Variants in RC3H1 observed in about 807,000 individuals in gnomAD.
The protein encoded by RC3H1 is roquin-1.
Under a neutral mutation model 138.2 loss-of-function variants are expected in RC3H1, and 50 were observed. That is an observed-to-expected ratio of 0.36 (90% confidence interval 0.29 to 0.46). RC3H1 has a LOEUF of 0.46. Among genes scored for constraint, RC3H1 ranks in the 20% least tolerant of loss-of-function variants. The probability of loss-of-function intolerance (pLI) is 1.00; values close to 1 mark genes in which losing one functional copy is unlikely to be tolerated. For missense variants in RC3H1, 1,031 were observed against 1,388.1 expected (o/e 0.74, Z 4.09); for synonymous variants, 462 against 489.1 (o/e 0.94, Z 0.73).
At chr1:173,974,060 C>T (rs1441457754) in intron 7 of RC3H1, among the ~76,000 whole-genome samples, 2 of 151,976 alleles carry the variant, frequency 1.3e-5, no homozygotes, top group African/African-American at 4.8e-5. Context: ...AGGCAATCCA[C>T]CCATCTTGGC....
At chr1:173,960,170 G>C (rs1332057933) in intron 13 of RC3H1, among the ~76,000 whole-genome samples, 1 of 149,572 alleles carries the variant, frequency 6.7e-6, no homozygotes, top group Non-Finnish European at 1.5e-5. Context: ...TGCACCTGCA[G>C]TCCCAGCTAC....
Position 174,017,783 on chromosome 1 carries a change from C to CAAAAAAAAAAAAAA in RC3H1, c.-151+4299_-151+4312dup, listed in dbSNP as rs61239660. On this transcript the variant is annotated intron_variant, in intron 1 of 19. Coordinates refer to ENST00000367696, the MANE Select transcript of RC3H1 (RefSeq NM_172071.4). ...ACCCCTTTAGAACTCTTTTCTTGCT[C>CAAAAAAAAAAAAAA]AAAAAAAAAAAAAAAAAAAAAAAAA... Among the ~76,000 whole-genome samples the CAAAAAAAAAAAAAA allele has an allele frequency of 1.3e-3, 92 of 72,022 alleles. 10 individuals are homozygous for CAAAAAAAAAAAAAA. The highest frequency in any genetic ancestry group is 4.2e-3 in the African/African-American group (73 of 17,520). The allele number at this position is 72,022 out of a possible 152,430, so 47.2% of individuals were successfully genotyped here.
At position 173,945,961 on chromosome 1, in the gene RC3H1, C is replaced by T. The variant is rs150708176; in HGVS notation, c.2961+515G>A. Among the ~76,000 whole-genome samples, 6 of 152,146 alleles carry T rather than the reference C, an allele frequency of 3.9e-5. No individual in the cohort carries two copies. The East Asian group carries it at 1.2e-3, about 29-fold the overall frequency. ...TGATCTTGTGATCCACTTGCCTCGG[C>T]CTCCCAAAGTGCTGGGATTACAGGG... On this transcript the variant is annotated intron_variant, in intron 17 of 19. Transcript: ENST00000367696.
chr1:173,971,219 C>T (rs915977961), intron 8 of RC3H1, among the ~76,000 whole-genome samples: 5 of 152,080 alleles, frequency 3.3e-5, no homozygotes, highest in African/African-American at 1.2e-4. Flanking sequence ...GCCTCAGCCT[C>T]CCAAAGTGCT....
chr1:173,985,201 AATC>A (rs1229964047), intron 2 of RC3H1, among the ~76,000 whole-genome samples: 1 of 152,334 alleles, frequency 6.6e-6, no homozygotes, highest in East Asian at 1.9e-4. Context: ...TTATTTACAC[AATC>A]ATCATTGACA....
rs755249482 is a variant in RC3H1 at position 173,961,107 on chromosome 1, T to G, written c.2340A>C (p.Pro780=). The part of the protein sequence containing the change: ...VISPPPFAPS[P]TLPPTFHPEE... ...CCGGATGAAAGGTAGGAGGCAAGGT[T>G]GGTGAAGGTGCAAAAGGAGGTGGAG... Residue 780 remains proline (P), a synonymous_variant, in exon 13 of 20, where the codon CCA becomes CCC. Coordinates refer to ENST00000367696, the MANE Select transcript of RC3H1 (RefSeq NM_172071.4). 5.6e-6 allele frequency: 9 copies of G among 1,613,730 alleles called. No homozygotes were observed. In the Admixed American group the frequency reaches 1.5e-4, roughly 27 times the overall value.
intron 2 of RC3H1, among the ~76,000 whole-genome samples, chr1:173,989,827 C>T (rs1463319736): frequency 2.0e-5 from 3 of 148,446 alleles, no homozygotes; most frequent in Non-Finnish European, 1.5e-5. Context: ...CCCGGGTTCA[C>T]GCCATTCTCC....
Position 173,986,091 on chromosome 1 carries a change from G to A in RC3H1, c.232-1472C>T, listed in dbSNP as rs565292398. Among the ~76,000 whole-genome samples the A allele has an allele frequency of 3.9e-5, 6 of 151,940 alleles. No individual in the cohort carries two copies. The South Asian group carries it at 8.3e-4, about 21-fold the overall frequency. ...GGCTGGAGTGCAGTGGCACCATCTC[G>A]GCTCACTGCAACCTCCGCCTCCTGG... On this transcript the variant is annotated intron_variant, in intron 2 of 19. Coordinates refer to ENST00000367696, the MANE Select transcript of RC3H1 (RefSeq NM_172071.4).
chr1:174,012,855 T>G (rs1661793922), intron 1 of RC3H1, among the ~76,000 whole-genome samples: 1 of 150,096 alleles, frequency 6.7e-6, no homozygotes, highest in African/African-American at 2.5e-5. Context: ...ATACCAACTC[T>G]GCCATTTATT....
intron 1 of RC3H1, among the ~76,000 whole-genome samples, chr1:173,995,001 T>G (rs542687437): frequency 2.0e-5 from 3 of 152,140 alleles, no homozygotes. Flanking sequence ...TAACTAAATA[T>G]ATAATTGCAA....
Position 173,992,705 on chromosome 1 carries a change from G to A in RC3H1, c.231+50C>T, listed in dbSNP as rs368010602. ...ACACACACACACACACACACAGAGAGAGAGAGAGAGAGAGGGAGAAATTTA... is the reference window on the plus strand; with the variant it reads ...ACACACACACACACACACACAGAGAAAGAGAGAGAGAGAGGGAGAAATTTA... On this transcript the variant is annotated intron_variant, in intron 2 of 19. Transcript: ENST00000367696. 6.3e-6 allele frequency: 8 copies of A among 1,268,706 alleles called. No homozygotes were observed. In the African/African-American group the frequency reaches 7.7e-5, roughly 12 times the overall value. 78.6% of individuals were successfully genotyped at this position (1,268,706 alleles called of 1,614,324 possible).
chr1:173,955,761 A>T (rs1195280724), intron 13 of RC3H1, among the ~76,000 whole-genome samples: 2 of 152,240 alleles, frequency 1.3e-5, no homozygotes, highest in Non-Finnish European at 2.9e-5. Flanking sequence ...GCCCACAGGA[A>T]GAATGTTATT....
intron 13 of RC3H1, among the ~76,000 whole-genome samples, chr1:173,954,258 T>C (rs1557925552): frequency 6.6e-6 from 1 of 152,104 alleles, no homozygotes; most frequent in Non-Finnish European, 1.5e-5. Flanking sequence ...AAAAAATAAA[T>C]CCTGTCATTT....
chr1:173,948,671 C>A (rs1351926373), intron 14 of RC3H1, among the ~76,000 whole-genome samples: 1 of 152,066 alleles, frequency 6.6e-6, no homozygotes, highest in Non-Finnish European at 1.5e-5. Flanking sequence ...ATGTGTGAGC[C>A]TCAACCTCCT....
At chr1:173,980,621 A>T (rs182443772) in intron 6 of RC3H1, among the ~76,000 whole-genome samples, 188 bp downstream of exon 6, 1 of 152,182 alleles carries the variant, frequency 6.6e-6, no homozygotes, top group Non-Finnish European at 1.5e-5. Flanking sequence ...TAAGTAAAAT[A>T]AAAAATATAA....
At chr1:173,976,639 T>C (rs1017470367) in intron 7 of RC3H1, among the ~76,000 whole-genome samples, 5 of 152,000 alleles carry the variant, frequency 3.3e-5, no homozygotes, top group African/African-American at 1.2e-4. Flanking sequence ...AAGTGGTAGG[T>C]AGATGAGAAA....
chr1:173,956,130 CAAA>C (rs552947734), intron 13 of RC3H1, among the ~76,000 whole-genome samples: 2 of 86,364 alleles, frequency 2.3e-5, no homozygotes, highest in Non-Finnish European at 5.3e-5. Flanking sequence ...GAGTCTGTCT[CAAA>C]AAAAAAAAAA....
intron 13 of RC3H1, among the ~76,000 whole-genome samples, chr1:173,954,521 G>C (rs1476496062): frequency 6.6e-6 from 1 of 152,160 alleles, no homozygotes; most frequent in Non-Finnish European, 1.5e-5. Flanking sequence ...TGCAGGGTGA[G>C]TACAGTTAAT....
chr1:173,990,581 T>A (rs1422848803), intron 2 of RC3H1, among the ~76,000 whole-genome samples: 1 of 150,996 alleles, frequency 6.6e-6, no homozygotes, highest in Non-Finnish European at 1.5e-5. Context: ...ATTATTTATT[T>A]TTTTTTTTTG....
Sources: gnomAD v4.1 joint callset for allele counts (sites outside exome capture counted in the v4.1 genomes callset) on GRCh38, gnomAD v4.1.1 for gene constraint, MANE v1.5 for transcripts, NCBI Gene and HGNC (gene_info 2026-07-23, HGNC 2026-07-21) for gene names.